LIMD1: variants seen among roughly 807,000 people sequenced by gnomAD.
LIMD1 encodes the protein LIM domain containing 1.
LIMD1 carries 23 observed loss-of-function variants against 58.4 expected under a neutral mutation model. The observed-to-expected ratio is 0.39, with a 90% CI of 0.28 to 0.56. The LOEUF is 0.56. Among genes scored for constraint, LIMD1 ranks in the 20% least tolerant of loss-of-function variants. The pLI is 0.57. For missense variants in LIMD1, 838 were observed against 855.5 expected (o/e 0.98, Z 0.25); for synonymous variants, 334 against 345.5 (o/e 0.97, Z 0.37).
At chr3:45,602,006 G>C (rs1321306812) in intron 1 of LIMD1, among the ~76,000 whole-genome samples, 1 of 150,870 alleles carries the variant, frequency 6.6e-6, no homozygotes, top group East Asian at 2.0e-4. Context: ...GCAGTGGCGC[G>C]ATCTTGGCTC....
chr3:45,654,038 G>A (rs953231037), intron 2 of LIMD1, among the ~76,000 whole-genome samples: 3 of 151,976 alleles, frequency 2.0e-5, no homozygotes, highest in Non-Finnish European at 2.9e-5. Flanking sequence ...GTCACAAGTG[G>A]CCATCAAGTA....
intron 1 of LIMD1, among the ~76,000 whole-genome samples, chr3:45,613,499 A>G (rs1379286742): frequency 1.3e-5 from 2 of 151,416 alleles, no homozygotes; most frequent in Non-Finnish European, 1.5e-5. Context: ...TGCATTATCA[A>G]TTGTGCTTTT....
At chr3:45,674,522 C>T (rs1697641455) in intron 7 of LIMD1, 111 bp downstream of exon 7, 1 of 760,576 alleles carries the variant, frequency 1.3e-6, no homozygotes, top group Non-Finnish European at 2.2e-6. Flanking sequence ...AAGGGTCAGC[C>T]CTCTAGAGCT....
At chr3:45,622,668 ATTTTTT>A (rs775471185) in intron 1 of LIMD1, among the ~76,000 whole-genome samples, 1 of 140,534 alleles carries the variant, frequency 7.1e-6, no homozygotes, top group Non-Finnish European at 1.6e-5. Flanking sequence ...TTTTAAAGGA[ATTTTTT>A]TTTTTTTTTT....
chr3:45,656,719 T>C (rs1465971410), intron 2 of LIMD1, among the ~76,000 whole-genome samples: 8 of 152,136 alleles, frequency 5.3e-5, no homozygotes, highest in Non-Finnish European at 1.0e-4. Context: ...GGTTTCACCA[T>C]GTTGGCCAGG....
chr3:45,630,063 C>G (rs1258758501), intron 1 of LIMD1, among the ~76,000 whole-genome samples: 2 of 152,188 alleles, frequency 1.3e-5, no homozygotes, highest in Admixed American at 6.5e-5. Context: ...ATGCCCATCC[C>G]TTCCTCTCTT....
intron 1 of LIMD1, among the ~76,000 whole-genome samples, chr3:45,631,203 AAATAAT>A (rs539498072): frequency 6.6e-6 from 1 of 151,608 alleles, no homozygotes; most frequent in Non-Finnish European, 1.5e-5. Context: ...ACTCTGTCTC[AAATAAT>A]AATAATAATA....
At chr3:45,657,413 C>A (rs750512677) in intron 2 of LIMD1, among the ~76,000 whole-genome samples, 1 of 151,540 alleles carries the variant, frequency 6.6e-6, no homozygotes, top group African/African-American at 2.4e-5. Flanking sequence ...GTAATCTCAA[C>A]GCTTTGGGAG....
chr3:45,595,647 C>G lies in LIMD1; in HGVS notation c.768C>G (p.Ser256Arg). The change falls in exon 1 of 8, where the codon AGC becomes AGG. Residue 256 changes from serine to arginine, a missense_variant. Ser to Arg is a moderately radical substitution (Grantham distance 110). Coordinates refer to ENST00000273317, the MANE Select transcript of LIMD1 (RefSeq NM_014240.3). ...ATAGTGGCATTGGTGGCCGCAGCAG[C>G]GAGAAGCCAACAGGCCTTTGGTCCA... ...GQNSGIGGRSSEKPTGLWSTA... is the reference protein window; with the variant it reads ...GQNSGIGGRSREKPTGLWSTA... 1 of 1,614,134 alleles carries G rather than the reference C, an allele frequency of 6.2e-7. No individual in the cohort carries two copies. Among genetic ancestry groups the G allele is most frequent in the Non-Finnish European group, 8.5e-7 (1 of 1,180,024 alleles).
intron 1 of LIMD1, among the ~76,000 whole-genome samples, chr3:45,614,012 C>T (rs1456231131): frequency 6.6e-6 from 1 of 152,100 alleles, no homozygotes; most frequent in Non-Finnish European, 1.5e-5. Flanking sequence ...CCCTGCTTTA[C>T]TTGTTGCTTT....
chr3:45,599,081 C>T (rs570184213), intron 1 of LIMD1, among the ~76,000 whole-genome samples: 2 of 152,218 alleles, frequency 1.3e-5, no homozygotes, highest in South Asian at 4.2e-4. Flanking sequence ...ATGTGTCTAA[C>T]CAGCATTGCC....
intron 1 of LIMD1, among the ~76,000 whole-genome samples, chr3:45,606,184 C>A (rs1052830295): frequency 2.0e-5 from 3 of 152,212 alleles, no homozygotes; most frequent in Non-Finnish European, 4.4e-5. Flanking sequence ...CCCCATTTCA[C>A]AGATGGAGAA....
chr3:45,632,268 A>G (rs1415106092), intron 1 of LIMD1, among the ~76,000 whole-genome samples: 6 of 152,218 alleles, frequency 3.9e-5, no homozygotes, highest in Non-Finnish European at 7.3e-5. Context: ...GGACTTCGGC[A>G]TTACCAAACA....
chr3:45,599,085 C>T (rs1393424379), intron 1 of LIMD1, among the ~76,000 whole-genome samples: 2 of 152,180 alleles, frequency 1.3e-5, no homozygotes, highest in Non-Finnish European at 2.9e-5. Flanking sequence ...GTCTAACCAG[C>T]ATTGCCAAAC....
At chr3:45,612,070 G>GCGCTCTCTCTCTCTCT (rs55860697) in intron 1 of LIMD1, among the ~76,000 whole-genome samples, 7 of 144,842 alleles carry the variant, frequency 4.8e-5, no homozygotes, top group South Asian at 2.2e-4. Context: ...GCAGGTGCGC[G>GCGCTCTCTCTCTCTCT]CTCTCTCTCT....
intron 1 of LIMD1, among the ~76,000 whole-genome samples, chr3:45,614,077 C>T (rs536812730): frequency 5.9e-5 from 9 of 152,232 alleles, no homozygotes; most frequent in African/African-American, 2.2e-4. Flanking sequence ...TCCCAATTTC[C>T]TCTGTTAAAA....
chr3:45,608,812 C>G (rs1701492971), intron 1 of LIMD1, among the ~76,000 whole-genome samples: 2 of 136,906 alleles, frequency 1.5e-5, no homozygotes, highest in Non-Finnish European at 3.0e-5. Context: ...TGCACTCCAG[C>G]CTGGGCAACA....
chr3:45,615,191 AGAGAGGCATTT>A (rs1308355049), intron 1 of LIMD1, among the ~76,000 whole-genome samples: 9 of 152,234 alleles, frequency 5.9e-5, no homozygotes, highest in Non-Finnish European at 1.3e-4. Flanking sequence ...GGTTGAACAA[AGAGAGGCATTT>A]GTGGGAAAGT....
chr3:45,665,425 C>A (rs1280519778), intron 2 of LIMD1, among the ~76,000 whole-genome samples: 1 of 152,102 alleles, frequency 6.6e-6, no homozygotes, highest in Non-Finnish European at 1.5e-5. Flanking sequence ...GCCCTTGAGT[C>A]TTTTTGCCAA....
Sources: gnomAD v4.1 joint callset for allele counts (sites outside exome capture counted in the v4.1 genomes callset) on GRCh38, gnomAD v4.1.1 for gene constraint, MANE v1.5 for transcripts, NCBI Gene and HGNC (gene_info 2026-07-23, HGNC 2026-07-21) for gene names.